The following HADH variants were observed in gnomAD, a reference collection of about 807,000 sequenced individuals.
HADH encodes the protein hydroxyacyl-coenzyme A dehydrogenase, mitochondrial.
In HADH, 24 loss-of-function variants were observed where a neutral mutation model predicts 32.2. The ratio of observed to expected loss-of-function variants is 0.75; its 90% CI spans 0.54 to 1.05. The LOEUF is 1.05. Among genes scored for constraint, HADH ranks in the 50% least tolerant of loss-of-function variants. HADH has a pLI of 0.00. For synonymous variants in HADH, 139 were observed against 152.5 expected (o/e 0.91, Z 0.65); for missense variants, 350 against 397.1 (o/e 0.88, Z 1.01).
At chr4:108,004,131 T>C (rs942428674) in intron 1 of HADH, among the ~76,000 whole-genome samples, 4 of 152,210 alleles carry the variant, frequency 2.6e-5, no homozygotes, top group Admixed American at 1.3e-4. Context: ...GTGAGAATAA[T>C]GTGCCTTCCC....
intron 6 of HADH, 114 bp from the exon 7 acceptor site, chr4:108,033,062 G>C: frequency 1.3e-6 from 1 of 775,786 alleles, no homozygotes; most frequent in South Asian, 1.4e-5. Context: ...CTCAGTCTAG[G>C]CATTTTTTTT....
chr4:107,993,115 C>CA (rs532244296), intron 1 of HADH, among the ~76,000 whole-genome samples: 96 of 152,308 alleles, frequency 6.3e-4, no homozygotes, highest in African/African-American at 2.2e-3. Context: ...GACTCCGTCT[C>CA]AAAAAGATAA....
intron 3 of HADH, among the ~76,000 whole-genome samples, chr4:108,016,121 TG>T (rs1202171716): frequency 1.3e-5 from 2 of 152,180 alleles, no homozygotes; most frequent in African/African-American, 4.8e-5. Flanking sequence ...GAATTCTTCC[TG>T]GCAGAATGTA....
At chr4:108,025,933 GTC>G (rs1451058020) in intron 5 of HADH, 7 of 152,204 alleles carry the variant, frequency 4.6e-5, no homozygotes, top group African/African-American at 9.6e-5. Context: ...GATAGCATCT[GTC>G]TCTCTGCATT....
chr4:108,004,144 A>G (rs541602088), intron 1 of HADH, among the ~76,000 whole-genome samples: 17 of 152,288 alleles, frequency 1.1e-4, no homozygotes, highest in African/African-American at 4.1e-4. Context: ...GCCTTCCCCA[A>G]AGGCAGTTAT....
At position 108,009,868 on chromosome 4, in the gene HADH, A is replaced by T. The variant is rs778556082; in HGVS notation, c.242A>T (p.Lys81Met). The T allele has an allele frequency of 1.9e-6, 3 of 1,611,136 alleles. No individual in the cohort carries two copies. Among genetic ancestry groups the T allele is most frequent in the Non-Finnish European group, 2.5e-6 (3 of 1,177,406 alleles). Residue 81 changes from lysine to methionine, a missense_variant, in exon 2 of 8, where the codon AAG (lysine) becomes ATG (methionine). Coordinates refer to ENST00000309522, the MANE Select transcript of HADH (RefSeq NM_005327.7). ...AGCCTTAGGAAAGTGGCAAAGAAGAAGTTTGCAGAAAACCTTAAGGTAATT... is the reference window on the plus strand; with the variant it reads ...AGCCTTAGGAAAGTGGCAAAGAAGATGTTTGCAGAAAACCTTAAGGTAATT... ...EESLRKVAKK[K>M]FAENLKAGDE...
intron 4 of HADH, among the ~76,000 whole-genome samples, chr4:108,023,047 G>A (rs1421732902): frequency 6.7e-6 from 1 of 148,874 alleles, no homozygotes; most frequent in Non-Finnish European, 1.5e-5. Flanking sequence ...AGGCTGGAGT[G>A]CAGTGGCATG....
chr4:108,019,697 C>G, intron 4 of HADH, 31 bp downstream of exon 4: 1 of 1,613,146 alleles, frequency 6.2e-7, no homozygotes, highest in Non-Finnish European at 8.5e-7. Context: ...GTGTGTCTGC[C>G]CGCTCTGCCA....
chr4:108,006,231 A>G (rs1237612046), intron 1 of HADH, among the ~76,000 whole-genome samples: 1 of 152,034 alleles, frequency 6.6e-6, no homozygotes, highest in East Asian at 1.9e-4. Flanking sequence ...TAGCGTCTGG[A>G]ACTTTCAGAG....
At chr4:108,030,802 C>T (rs1481242314) in intron 6 of HADH, 1 of 152,228 alleles carries the variant, frequency 6.6e-6, no homozygotes, top group Non-Finnish European at 1.5e-5. Context: ...TAGTTTAAAA[C>T]ATGATTCCAC....
chr4:108,007,946 C>T (rs1305553813), intron 1 of HADH, among the ~76,000 whole-genome samples: 1 of 152,138 alleles, frequency 6.6e-6, no homozygotes, highest in African/African-American at 2.4e-5. Context: ...TGGCAAGGAA[C>T]CTTGCACTTT....
chr4:108,030,294 T>C, intron 6 of HADH: 1 of 152,692 alleles, frequency 6.5e-6, no homozygotes. Flanking sequence ...ATCTCTGTCA[T>C]CACAACTCTT....
intron 1 of HADH, among the ~76,000 whole-genome samples, chr4:107,998,933 G>C (rs941583511): frequency 6.6e-6 from 1 of 152,180 alleles, no homozygotes; most frequent in African/African-American, 2.4e-5. Context: ...TAAAACATTT[G>C]AGAGCCGCCA....
chr4:108,015,780 A>G (rs533985581), intron 3 of HADH, among the ~76,000 whole-genome samples: 1 of 152,174 alleles, frequency 6.6e-6, no homozygotes, highest in African/African-American at 2.4e-5. Context: ...CCTATGCCAG[A>G]AGCTGCTCTG....
At chr4:108,018,510 G>A (rs1005709358) in intron 3 of HADH, among the ~76,000 whole-genome samples, 1 of 152,214 alleles carries the variant, frequency 6.6e-6, no homozygotes, top group Middle Eastern at 3.4e-3. Context: ...GCTCATACCT[G>A]GAAAGAGAAG....
At chr4:108,001,881 G>A (rs1365840961) in intron 1 of HADH, among the ~76,000 whole-genome samples, 1 of 152,202 alleles carries the variant, frequency 6.6e-6, no homozygotes, top group East Asian at 1.9e-4. Context: ...ACTACAGAAA[G>A]TAAAACCACA....
At chr4:108,021,476 G>A (rs1735882116) in intron 4 of HADH, among the ~76,000 whole-genome samples, 1 of 152,086 alleles carries the variant, frequency 6.6e-6, no homozygotes, top group Non-Finnish European at 1.5e-5. Context: ...AAAATAACTT[G>A]TATAATAAGC....
intron 6 of HADH, chr4:108,031,226 G>A (rs1192099582): frequency 6.6e-6 from 1 of 152,340 alleles, no homozygotes; most frequent in African/African-American, 2.4e-5. Context: ...TTGTCCTAGT[G>A]TCCTGGCCTT....
At chr4:108,015,461 C>T (rs181225344) in intron 3 of HADH, among the ~76,000 whole-genome samples, 2 of 152,336 alleles carry the variant, frequency 1.3e-5, no homozygotes, top group South Asian at 2.1e-4. Context: ...GACCCCTGGA[C>T]ATTCTTGACA....
Sources: gnomAD v4.1 joint callset for allele counts (sites outside exome capture counted in the v4.1 genomes callset) on GRCh38, gnomAD v4.1.1 for gene constraint, MANE v1.5 for transcripts, NCBI Gene and HGNC (gene_info 2026-07-23, HGNC 2026-07-21) for gene names.